Variants in EPS15 observed in about 807,000 individuals in gnomAD.
The protein encoded by EPS15 is epidermal growth factor receptor substrate 15.
Under a neutral mutation model 113.8 loss-of-function variants are expected in EPS15, and 72 were observed. The observed-to-expected ratio is 0.63, with a 90% CI of 0.52 to 0.77. EPS15 has a LOEUF of 0.77. Ranked by LOEUF, EPS15 falls within the 30% of genes least tolerant of loss-of-function variation. The pLI is 0.00. For synonymous variants in EPS15, 344 were observed against 363.4 expected (o/e 0.95, Z 0.61); for missense variants, 1,048 against 1,045.8 (o/e 1.00, Z -0.03).
chr1:51,394,405 T>C lies in EPS15; in HGVS notation c.2095A>G (p.Thr699Ala), dbSNP rs1189911334. 1 of 1,602,400 alleles carries C rather than the reference T, an allele frequency of 6.2e-7. No homozygotes were observed. The highest frequency in any genetic ancestry group is 8.5e-7 in the Non-Finnish European group (1 of 1,172,134). Residue 699 changes from threonine (T) to alanine (A), a missense_variant, in exon 21 of 25, where the codon ACA becomes GCA. Thr to Ala is a moderately conservative substitution (Grantham distance 58). Coordinates refer to ENST00000371733, the MANE Select transcript of EPS15 (RefSeq NM_001981.3). The part of the protein sequence containing the change: ...KHNDPFAPGG[T>A]VVAASDSATD... ...CCTGAATCGCTTGCTGCAACAACTG[T>C]TCCACCAGGAGCAAAAGGATCATTG...
chr1:51,501,162 C>T (rs1386599757), intron 1 of EPS15, among the ~76,000 whole-genome samples: 1 of 151,902 alleles, frequency 6.6e-6, no homozygotes, highest in African/African-American at 2.4e-5. Flanking sequence ...AATCCCAGCA[C>T]TTTGAGAGCC....
chr1:51,394,196 T>G, intron 21 of EPS15, 185 bp downstream of exon 21: 1 of 452,000 alleles, frequency 2.2e-6, no homozygotes, highest in South Asian at 3.9e-5. Context: ...GAATAATAAA[T>G]GAAAGAATGA....
intron 21 of EPS15, among the ~76,000 whole-genome samples, chr1:51,367,938 C>A (rs919176857): frequency 1.3e-5 from 2 of 152,198 alleles, no homozygotes; most frequent in African/African-American, 4.8e-5. Context: ...TTGAGACCAG[C>A]CTGGCCAACA....
chr1:51,493,234 G>A (rs1570423490), intron 1 of EPS15, among the ~76,000 whole-genome samples: 1 of 152,114 alleles, frequency 6.6e-6, no homozygotes, highest in African/African-American at 2.4e-5. Context: ...GGTGGTGGGC[G>A]CCTGTAGTCC....
chr1:51,472,719 A>T (rs1655328804), intron 3 of EPS15, 140 bp downstream of exon 3: 1 of 622,990 alleles, frequency 1.6e-6, no homozygotes. Context: ...AATTCCCTTC[A>T]TCCTACTATT....
chr1:51,371,309 A>C (rs754662505), intron 21 of EPS15, among the ~76,000 whole-genome samples: 15 of 152,290 alleles, frequency 9.8e-5, no homozygotes, highest in Non-Finnish European at 7.4e-5. Context: ...TACCAGAAGA[A>C]GGCATTGTTA....
intron 21 of EPS15, among the ~76,000 whole-genome samples, chr1:51,367,996 G>A (rs1310426854): frequency 6.6e-6 from 1 of 152,202 alleles, no homozygotes; most frequent in Admixed American, 6.5e-5. Context: ...GACGGGCATG[G>A]TGGCACACGC....
At chr1:51,371,938 G>A (rs1260491139) in intron 21 of EPS15, among the ~76,000 whole-genome samples, 9 of 152,076 alleles carry the variant, frequency 5.9e-5, no homozygotes, top group Non-Finnish European at 7.3e-5. Context: ...TTACCATTGC[G>A]TTACAACTGC....
At position 51,471,673 on chromosome 1, in the gene EPS15, G is replaced by A; in HGVS notation, c.213+17C>T. 6.3e-7 allele frequency: 1 copy of A among 1,582,046 alleles called. No homozygotes were observed. Among genetic ancestry groups the A allele is most frequent in the Non-Finnish European group, 8.6e-7 (1 of 1,156,592 alleles). ...GAATCACTCAAAAAAAAAATCATATGAATATCTGAAACTTACTTGTTTGTT... is the reference window on the plus strand; with the variant it reads ...GAATCACTCAAAAAAAAAATCATATAAATATCTGAAACTTACTTGTTTGTT... On this transcript the variant is annotated intron_variant, in intron 4 of 24. Transcript: ENST00000371733.
At chr1:51,409,419 C>T (rs1649476412) in intron 14 of EPS15, 116 bp downstream of exon 14, 1 of 949,266 alleles carries the variant, frequency 1.1e-6, no homozygotes. Flanking sequence ...AACCCAAATG[C>T]TGACTGGATT....
intron 5 of EPS15, among the ~76,000 whole-genome samples, chr1:51,466,711 T>G (rs1654872129): frequency 6.6e-6 from 1 of 151,408 alleles, no homozygotes; most frequent in Admixed American, 6.6e-5. Flanking sequence ...TAAAAAAAAT[T>G]TAACCTGACA....
intron 15 of EPS15, among the ~76,000 whole-genome samples, chr1:51,407,103 C>T (rs776357948): frequency 1.3e-5 from 2 of 152,062 alleles, no homozygotes; most frequent in Non-Finnish European, 2.9e-5. Flanking sequence ...GATATGTAAC[C>T]TTGAGAAAGT....
chr1:51,431,016 ACACACAC>A (rs1557462566), intron 12 of EPS15, among the ~76,000 whole-genome samples: 6 of 137,154 alleles, frequency 4.4e-5, no homozygotes, highest in African/African-American at 1.3e-4. Context: ...ACACACACAC[ACACACAC>A]ACACAAAAAT....
At chr1:51,461,392 C>A (rs72696159) in intron 7 of EPS15, among the ~76,000 whole-genome samples, 1 of 151,656 alleles carries the variant, frequency 6.6e-6, no homozygotes. Context: ...ATGGTGGCAT[C>A]CACCTGTAGG....
chr1:51,454,178 T>C (rs1653805494), intron 8 of EPS15, among the ~76,000 whole-genome samples: 1 of 151,704 alleles, frequency 6.6e-6, no homozygotes, highest in Non-Finnish European at 1.5e-5. Context: ...AAACAGCTCC[T>C]CTATACATCT....
At chr1:51,425,669 A>G (rs1395414129) in intron 12 of EPS15, among the ~76,000 whole-genome samples, 1 of 152,202 alleles carries the variant, frequency 6.6e-6, no homozygotes, top group African/African-American at 2.4e-5. Flanking sequence ...TCACAAGCAA[A>G]CAGAGAAAAA....
chr1:51,492,737 G>A (rs1644257080), intron 1 of EPS15, among the ~76,000 whole-genome samples: 1 of 152,064 alleles, frequency 6.6e-6, no homozygotes, highest in South Asian at 2.1e-4. Flanking sequence ...ACAGATCAGT[G>A]GAAGAAGCAT....
rs1655250451 is a variant in EPS15 at position 51,471,686 on chromosome 1, T to A, written c.213+4A>T. On this transcript the variant is annotated splice_donor_region_variant and intron_variant, in intron 4 of 24. Transcript: ENST00000371733. ...AAAAAATCATATGAATATCTGAAAC[T>A]TACTTGTTTGTTCAGGATACCTTTG... 1.2e-6 allele frequency: 2 copies of A among 1,604,046 alleles called. No individual in the cohort carries two copies. Among genetic ancestry groups the A allele is most frequent in the African/African-American group, 1.3e-5 (1 of 74,708 alleles).
intron 21 of EPS15, among the ~76,000 whole-genome samples, chr1:51,379,407 A>C (rs1646883522): frequency 6.6e-6 from 1 of 152,152 alleles, no homozygotes; most frequent in African/African-American, 2.4e-5. Flanking sequence ...GGTATGAGCC[A>C]CAGTGCCTGG....
Sources: allele counts gnomAD v4.1 joint callset (sites outside exome capture counted in the v4.1 genomes callset), GRCh38; gene constraint gnomAD v4.1.1; transcripts MANE v1.5; gene names NCBI Gene and HGNC (gene_info 2026-07-23, HGNC 2026-07-21).